The following ROBO2 variants were observed in gnomAD, a reference collection of about 807,000 sequenced individuals.
ROBO2 encodes roundabout homolog 2.
Under a neutral mutation model 160.8 loss-of-function variants are expected in ROBO2, and 53 were observed. The ratio of observed to expected loss-of-function variants is 0.33; its 90% confidence interval spans 0.26 to 0.41. The LOEUF is 0.41. Ranked by LOEUF, ROBO2 falls within the 10% of genes least tolerant of loss-of-function variation. The pLI is 1.00. For missense variants in ROBO2, 1,577 were observed against 1,722.4 expected, an observed-to-expected ratio of 0.92 and a Z score of 1.49; for synonymous variants, 664 against 611.7, an observed-to-expected ratio of 1.09 and a Z score of -1.26.
chr3:76,981,767 C>T (rs548561769), intron 2 of ROBO2, among the ~76,000 whole-genome samples: 66 of 152,186 alleles, frequency 4.3e-4, no homozygotes, highest in Non-Finnish European at 7.6e-4. Context: ...TCTGGTGAAA[C>T]CTCTATGAGC....
At chr3:76,476,661 A>G (rs2078946142) in intron 2 of ROBO2, among the ~76,000 whole-genome samples, 2 of 152,174 alleles carry the variant, frequency 1.3e-5, no homozygotes, top group African/African-American at 4.8e-5. Context: ...CACTATTGGC[A>G]TGAATCTACA....
intron 2 of ROBO2, among the ~76,000 whole-genome samples, chr3:76,023,756 A>G (rs2066646647): frequency 6.6e-6 from 1 of 151,658 alleles, no homozygotes; most frequent in Non-Finnish European, 1.5e-5. Context: ...CACAGAAACC[A>G]AAAGTGATCA....
chr3:76,336,881 A>C (rs1479644720), intron 2 of ROBO2, among the ~76,000 whole-genome samples: 1 of 152,172 alleles, frequency 6.6e-6, no homozygotes, highest in African/African-American at 2.4e-5. Flanking sequence ...TTAAGTATAT[A>C]TTTAATTGTC....
intron 2 of ROBO2, among the ~76,000 whole-genome samples, chr3:76,488,729 T>C (rs2079634738): frequency 6.6e-6 from 1 of 151,960 alleles, no homozygotes; most frequent in African/African-American, 2.4e-5. Context: ...TGGAGGCCAT[T>C]TGAGAATTCA....
At chr3:77,588,820 A>G in exon 17 of ROBO2, 1 of 1,613,658 alleles carries the variant, frequency 6.2e-7, no homozygotes. Context: ...GATGTGGTGA[A>G]GCAACCAGCC....
intron 2 of ROBO2, among the ~76,000 whole-genome samples, chr3:76,007,757 AT>A (rs2066065922): frequency 6.6e-6 from 1 of 152,328 alleles, no homozygotes; most frequent in East Asian, 1.9e-4. Flanking sequence ...GGAGAAATTT[AT>A]TTCATAAGAA....
chr3:76,787,422 T>A (rs1223272108), intron 2 of ROBO2, among the ~76,000 whole-genome samples: 3 of 150,078 alleles, frequency 2.0e-5, no homozygotes, highest in African/African-American at 7.3e-5. Context: ...GGCCCATGGG[T>A]CATAGTTGTT....
intron 2 of ROBO2, among the ~76,000 whole-genome samples, chr3:76,436,159 AACACAC>A (rs3065704): frequency 7.1e-6 from 1 of 140,596 alleles, no homozygotes; most frequent in South Asian, 2.3e-4. Context: ...TTAAAAGGAA[AACACAC>A]ACACACACAC....
At chr3:76,612,120 C>A (rs1168946861) in intron 2 of ROBO2, among the ~76,000 whole-genome samples, 1 of 152,154 alleles carries the variant, frequency 6.6e-6, no homozygotes, top group Non-Finnish European at 1.5e-5. Context: ...AAAGAAGATA[C>A]CTGATATGAT....
intron 2 of ROBO2, among the ~76,000 whole-genome samples, chr3:76,367,619 A>AG (rs1158277732): frequency 2.0e-5 from 3 of 152,028 alleles, no homozygotes; most frequent in African/African-American, 7.2e-5. Context: ...ACAAAAATGA[A>AG]GGAAAATGGA....
intron 2 of ROBO2, among the ~76,000 whole-genome samples, chr3:76,657,996 C>T (rs1321451784): frequency 6.8e-6 from 1 of 147,420 alleles, no homozygotes; most frequent in Non-Finnish European, 1.5e-5. Context: ...GAGCCCAGGG[C>T]GTTGAGGCTG....
chr3:77,074,415 CT>C lies in ROBO2; in HGVS notation c.62-23598del, dbSNP rs201750063. 1.2e-3 allele frequency among the ~76,000 whole-genome samples: 187 copies of C among 152,260 alleles called. 1 individual carries two copies. In the East Asian group the frequency reaches 0.023, roughly 19 times the overall value. On this transcript the variant is annotated intron_variant, in intron 1 of 25. Transcript: ENST00000461745. ...TTGATGTGTTGTGTTTCCATGAACA[CT>C]AATGCAATTAGTACATCCCTGAGAG...
chr3:76,223,364 A>C (rs962041017), intron 2 of ROBO2, among the ~76,000 whole-genome samples: 1 of 151,662 alleles, frequency 6.6e-6, no homozygotes, highest in African/African-American at 2.4e-5. Context: ...AAAGGCTGAT[A>C]CCTTTGGTGT....
Position 76,467,971 on chromosome 3 carries a change from C to G in ROBO2, c.109+530369C>G, listed in dbSNP as rs371176674. On this transcript the variant is annotated intron_variant, in intron 2 of 26. Transcript: ENST00000487694. ...TTTTCTTCTAAATATGAGCTTAGCT[C>G]AAAGAGGAATAAATAGCAAGTTTTA... Among the ~76,000 whole-genome samples, 26 of 152,032 alleles carry G rather than the reference C, an allele frequency of 1.7e-4. No homozygotes were observed. The South Asian group carries it at 2.1e-3, about 12-fold the overall frequency.
At chr3:77,472,732 A>T in intron 2 of ROBO2, among the ~76,000 whole-genome samples, 1 of 152,128 alleles carries the variant, frequency 6.6e-6, no homozygotes, top group Admixed American at 6.5e-5. Flanking sequence ...AAGTTTTAAA[A>T]ATTCTATTTT....
chr3:76,082,211 T>G (rs1482572532), intron 2 of ROBO2, among the ~76,000 whole-genome samples: 1 of 152,176 alleles, frequency 6.6e-6, no homozygotes, highest in Non-Finnish European at 1.5e-5. Context: ...AGAGATGATG[T>G]GACTACTGTT....
At chr3:77,558,986 G>T (rs1022258405) in intron 9 of ROBO2, among the ~76,000 whole-genome samples, 1 of 151,984 alleles carries the variant, frequency 6.6e-6, no homozygotes, top group Non-Finnish European at 1.5e-5. Flanking sequence ...ACACAGGATG[G>T]ATTTGCTTCC....
intron 2 of ROBO2, among the ~76,000 whole-genome samples, chr3:76,911,148 C>T (rs1279177173): frequency 6.6e-6 from 1 of 152,158 alleles, no homozygotes; most frequent in East Asian, 1.9e-4. Context: ...GTGGTAATTT[C>T]ATTTTCAGGA....
chr3:76,256,334 TCTCTCTCTCTCTCTCTC>T (rs1167879205), intron 2 of ROBO2, among the ~76,000 whole-genome samples: 22 of 96,114 alleles, frequency 2.3e-4, no homozygotes, highest in Admixed American at 6.4e-4. Context: ...TCTCTCTCTC[TCTCTCTCTCTCTCTCTC>T]TCACATACAC....
Sources: gnomAD v4.1 joint callset for allele counts (sites outside exome capture counted in the v4.1 genomes callset) on GRCh38, gnomAD v4.1.1 for gene constraint, MANE v1.5 for transcripts, NCBI Gene and HGNC (gene_info 2026-07-23, HGNC 2026-07-21) for gene names.